ACTR3C: variants seen among roughly 807,000 people sequenced by gnomAD.
ACTR3C encodes the protein actin related protein 3C.
Under a neutral mutation model 26.3 loss-of-function variants are expected in ACTR3C, and 18 were observed. The observed-to-expected ratio is 0.68, with a 90% confidence interval of 0.47 to 1.01. ACTR3C has a LOEUF of 1.01. Among genes scored for constraint, ACTR3C ranks in the 50% least tolerant of loss-of-function variants. The pLI, the probability that ACTR3C is intolerant of heterozygous loss-of-function variation, is 0.00. For missense variants in ACTR3C, 184 were observed against 250.7 expected, an observed-to-expected ratio of 0.73 and a Z score of 1.80; for synonymous variants, 55 against 94.5, an observed-to-expected ratio of 0.58 and a Z score of 2.42.
At chr7:150,097,159 T>C in the ACTR3C span, among the ~76,000 whole-genome samples, 6 of 151,922 alleles carry the variant, frequency 3.9e-5, no homozygotes, top group African/African-American at 1.5e-4. Context: ...GCAATAGCTA[T>C]ATGATACACT....
intron 6 of ACTR3C, among the ~76,000 whole-genome samples, chr7:150,262,676 T>C (rs1325457734): frequency 1.3e-5 from 2 of 152,266 alleles, no homozygotes; most frequent in East Asian, 1.9e-4. Context: ...TTTTATATCA[T>C]GTAAAATAGA....
chr7:150,031,235 T>C, the ACTR3C span, among the ~76,000 whole-genome samples: 9,837 of 146,870 alleles, frequency 0.067, 1,110 homozygotes, highest in African/African-American at 0.23. Context: ...CCAGCCTGGG[T>C]AACAGAGAGA....
chr7:149,948,072 A>C, the ACTR3C span, among the ~76,000 whole-genome samples: 1 of 144,448 alleles, frequency 6.9e-6, no homozygotes, highest in Non-Finnish European at 1.5e-5. Flanking sequence ...CCCCTGCTTC[A>C]GTCACAGGGC....
At chr7:150,255,242 ATTTTT>A (rs745713614) in intron 6 of ACTR3C, among the ~76,000 whole-genome samples, 2,265 of 85,696 alleles carry the variant, frequency 0.026, 62 homozygotes, top group African/African-American at 0.095. Flanking sequence ...TTTGTAGGGG[ATTTTT>A]TTTTTTTTTT....
At chr7:150,173,694 A>C in the ACTR3C span, among the ~76,000 whole-genome samples, 1 of 121,316 alleles carries the variant, frequency 8.2e-6, no homozygotes, top group African/African-American at 4.2e-5. Context: ...TCGGGCTGCA[A>C]ATTTTCTGAA....
At chr7:150,011,432 A>C in the ACTR3C span, among the ~76,000 whole-genome samples, 1 of 152,128 alleles carries the variant, frequency 6.6e-6, no homozygotes, top group Non-Finnish European at 1.5e-5. Flanking sequence ...AAATATATAA[A>C]AAATTAGCCA....
chr7:150,132,353 A>T, the ACTR3C span, among the ~76,000 whole-genome samples: 1 of 152,190 alleles, frequency 6.6e-6, no homozygotes, highest in Non-Finnish European at 1.5e-5. Context: ...AAAAATGTCC[A>T]TTTTTCACAA....
chr7:150,203,881 A>G, the ACTR3C span, among the ~76,000 whole-genome samples: 1 of 152,106 alleles, frequency 6.6e-6, no homozygotes, highest in Non-Finnish European at 1.5e-5. Context: ...CCGGGCACCA[A>G]AAGTTAAAAG....
the ACTR3C span, among the ~76,000 whole-genome samples, chr7:149,980,913 T>C: frequency 2.6e-5 from 4 of 151,902 alleles, no homozygotes; most frequent in Admixed American, 6.6e-5. Flanking sequence ...TTTTCTTCTG[T>C]TCAGAACTTG....
At chr7:150,131,972 C>T in the ACTR3C span, among the ~76,000 whole-genome samples, 5 of 152,138 alleles carry the variant, frequency 3.3e-5, no homozygotes, top group Non-Finnish European at 7.4e-5. Context: ...ACACCATGTA[C>T]GATTCCACTT....
chr7:150,001,235 C>T, the ACTR3C span: 1 of 152,212 alleles, frequency 6.6e-6, no homozygotes, highest in Non-Finnish European at 1.5e-5. Context: ...CCCCTTTCTA[C>T]TTCTTGTTAC....
rs576417516 is a variant in ACTR3C, at chr7:150,300,949, T to C, written c.-51-5602A>G. Among the ~76,000 whole-genome samples, 53 of 152,284 alleles carry C rather than the reference T, an allele frequency of 3.5e-4. 1 individual carries two copies. The highest frequency in any genetic ancestry group is 6.8e-3 in the Middle Eastern group (2 of 294). ...CGTGAGTAAGAGATGCAGATTCCAA[T>C]AGTAGTGTGTACAATCTCTCTCTTA... On this transcript the variant is annotated intron_variant, in intron 1 of 7. Coordinates refer to ENST00000683684, the MANE Select transcript of ACTR3C (RefSeq NM_001164458.2).
chr7:149,891,728 G>A, the ACTR3C span, among the ~76,000 whole-genome samples: 1 of 134,082 alleles, frequency 7.5e-6, no homozygotes, highest in East Asian at 2.3e-4. Context: ...GGGAAGTTGA[G>A]GTGAGAGGAT....
the ACTR3C span, among the ~76,000 whole-genome samples, chr7:150,007,986 C>G: frequency 2.1e-5 from 3 of 143,700 alleles, no homozygotes; most frequent in Admixed American, 6.8e-5. Context: ...CTACCTCCAT[C>G]TGAGGCAGAA....
the ACTR3C span, among the ~76,000 whole-genome samples, chr7:150,175,092 GAAAC>G: frequency 7.1e-6 from 1 of 141,530 alleles, no homozygotes; most frequent in Non-Finnish European, 1.5e-5. Flanking sequence ...TAGTGTGAAA[GAAAC>G]AAATAATGAA....
At chr7:150,259,295 G>T (rs950896402) in intron 6 of ACTR3C, among the ~76,000 whole-genome samples, 1 of 133,964 alleles carries the variant, frequency 7.5e-6, no homozygotes, top group Non-Finnish European at 1.5e-5. Context: ...GAAAGAAAAA[G>T]AAAGAAAGAA....
At chr7:150,192,881 T>G in the ACTR3C span, among the ~76,000 whole-genome samples, 1 of 152,196 alleles carries the variant, frequency 6.6e-6, no homozygotes, top group Non-Finnish European at 1.5e-5. Flanking sequence ...TGCTGATTTG[T>G]TCTAGAATCA....
chr7:150,222,505 C>T, the ACTR3C span, among the ~76,000 whole-genome samples: 9,051 of 152,204 alleles, frequency 0.059, 843 homozygotes, highest in African/African-American at 0.21. Context: ...TTTACAGACA[C>T]TATTGCTCAA....
chr7:150,099,332 T>C, the ACTR3C span, among the ~76,000 whole-genome samples: 3 of 151,928 alleles, frequency 2.0e-5, no homozygotes, highest in East Asian at 5.8e-4. Context: ...TTTACGTACA[T>C]AAGTACATAC....
Sources: allele counts gnomAD v4.1 joint callset (sites outside exome capture counted in the v4.1 genomes callset), GRCh38; gene constraint gnomAD v4.1.1; transcripts MANE v1.5; gene names NCBI Gene and HGNC (gene_info 2026-07-23, HGNC 2026-07-21).